The following KCNG2 variants were observed in gnomAD, a reference collection of about 807,000 sequenced individuals.
The protein encoded by KCNG2 is voltage-gated potassium channel regulatory subunit KCNG2.
In KCNG2, 7 loss-of-function variants were observed where a neutral mutation model predicts 12.3. The ratio of observed to expected loss-of-function variants is 0.57; its 90% confidence interval spans 0.32 to 1.07. The LOEUF is 1.07. Among genes scored for constraint, KCNG2 ranks in the 50% least tolerant of loss-of-function variants. KCNG2 has a pLI of 0.04. For synonymous variants in KCNG2, 414 were observed against 351.4 expected (o/e 1.18, Z -1.99); for missense variants, 703 against 726.0 (o/e 0.97, Z 0.36).
At chr18:79,812,403 C>T (rs921946983) in intron 1 of KCNG2, among the ~76,000 whole-genome samples, 2 of 152,084 alleles carry the variant, frequency 1.3e-5, no homozygotes, top group African/African-American at 4.8e-5. Flanking sequence ...AATCTCCAGA[C>T]CTGGTGATTT....
intron 3 of KCNG2, among the ~76,000 whole-genome samples, chr18:79,869,105 A>C (rs1048086101): frequency 6.6e-6 from 1 of 152,020 alleles, no homozygotes; most frequent in African/African-American, 2.4e-5. Flanking sequence ...AGCCCTGCAG[A>C]CACTGGGGAG....
At chr18:79,823,265 G>T (rs2087585735) in intron 1 of KCNG2, among the ~76,000 whole-genome samples, 1 of 152,222 alleles carries the variant, frequency 6.6e-6, no homozygotes, top group African/African-American at 2.4e-5. Flanking sequence ...CTCTGTGCGG[G>T]CACTGGGCTG....
Position 79,863,894 on chromosome 18 carries a change from G to A in KCNG2, c.227G>A (p.Cys76Tyr). 6.9e-7 allele frequency: 1 copy of A among 1,446,690 alleles called. No individual in the cohort carries two copies. Among genetic ancestry groups the A allele is most frequent in the Non-Finnish European group, 9.1e-7 (1 of 1,096,018 alleles). 89.6% of individuals were successfully genotyped at this position (1,446,690 alleles called of 1,614,324 possible). A position where few individuals can be genotyped will look rare whatever the true frequency, so the allele number is the denominator to read the frequency against. Residue 76 changes from cysteine to tyrosine, a missense_variant, in exon 3 of 4, where the codon TGC becomes TAC. Coordinates refer to ENST00000316249, the MANE Select transcript of KCNG2 (RefSeq NM_012283.2). ...RDEFFFDRSP[C>Y]AFRAIVALLR... ...GAGTTCTTCTTCGACCGCAGCCCGT[G>A]CGCCTTCCGCGCCATCGTGGCGCTT...
intron 1 of KCNG2, among the ~76,000 whole-genome samples, chr18:79,804,303 C>T (rs576723937): frequency 2.6e-5 from 4 of 152,344 alleles, no homozygotes; most frequent in South Asian, 2.1e-4. Context: ...GGACTCTGCC[C>T]GTCAGCACCC....
intron 1 of KCNG2, among the ~76,000 whole-genome samples, chr18:79,831,928 TCTC>T (rs1011817922): frequency 6.6e-6 from 1 of 152,260 alleles, no homozygotes; most frequent in East Asian, 1.9e-4. Flanking sequence ...CTTGGGCTCT[TCTC>T]CTTCGCTGTG....
At chr18:79,873,418 G>A (rs1331017225) in intron 3 of KCNG2, among the ~76,000 whole-genome samples, 15 of 82,900 alleles carry the variant, frequency 1.8e-4, no homozygotes, top group Admixed American at 6.2e-4. Flanking sequence ...CGCTCCTGCC[G>A]GCCCCCCTCC....
intron 1 of KCNG2, among the ~76,000 whole-genome samples, chr18:79,823,758 C>T (rs1479513645): frequency 2.0e-5 from 3 of 152,042 alleles, no homozygotes; most frequent in South Asian, 2.1e-4. Flanking sequence ...ACCTTAGTAT[C>T]GACATGTCCA....
chr18:79,891,047 T>G (rs932383240), intron 3 of KCNG2, among the ~76,000 whole-genome samples: 3 of 152,204 alleles, frequency 2.0e-5, no homozygotes, highest in African/African-American at 7.2e-5. Flanking sequence ...TTTTGTCTTC[T>G]GTTTCATTAA....
At chr18:79,874,842 T>A (rs1980004850) in intron 3 of KCNG2, among the ~76,000 whole-genome samples, 2 of 152,204 alleles carry the variant, frequency 1.3e-5, no homozygotes. Context: ...CCTGCCCCGT[T>A]GGCCAGCGCA....
chr18:79,848,881 C>G (rs1978715413), intron 1 of KCNG2, among the ~76,000 whole-genome samples: 1 of 152,216 alleles, frequency 6.6e-6, no homozygotes, highest in African/African-American at 2.4e-5. Flanking sequence ...CCTCAGCCCT[C>G]TGTGCCTCGG....
At chr18:79,824,308 T>C (rs1480917399) in intron 1 of KCNG2, among the ~76,000 whole-genome samples, 1 of 152,246 alleles carries the variant, frequency 6.6e-6, no homozygotes, top group Non-Finnish European at 1.5e-5. Context: ...ATAAATGGAC[T>C]TTTCCAATGA....
intron 1 of KCNG2, chr18:79,816,337 G>A (rs71367545): frequency 0.18 from 27,480 of 152,212 alleles, 2,523 homozygotes; most frequent in Middle Eastern, 0.2. Flanking sequence ...TCCTGACGGC[G>A]GAGGACCCAG....
intron 1 of KCNG2, among the ~76,000 whole-genome samples, chr18:79,842,512 A>G (rs957721333): frequency 6.6e-6 from 1 of 151,438 alleles, no homozygotes; most frequent in Non-Finnish European, 1.5e-5. Context: ...AATGAAACCT[A>G]AAGAAATGGA....
rs747875977 is a variant in KCNG2, at chr18:79,899,364, C to T, written c.949C>T (p.Arg317Cys). The change falls in exon 4 of 4, where the codon CGC (arginine) becomes TGC (cysteine). Residue 317 changes from arginine (R) to cysteine (C), a missense_variant. By Grantham distance (180) the Arg-to-Cys change is radical (BLOSUM62 -3). Transcript: ENST00000316249. ...GCGTTCGCTGGGCCTGACCATGCGC[C>T]GCTGCGCGCGCGAGTTCGGGCTGCT... ...GLRSLGLTMR[R>C]CAREFGLLLL... The T allele has an allele frequency of 9.7e-6, 15 of 1,553,844 alleles. No individual in the cohort carries two copies. The highest frequency in any genetic ancestry group is 5.7e-5 in the Admixed American group (3 of 52,570).
intron 1 of KCNG2, among the ~76,000 whole-genome samples, chr18:79,807,245 G>A (rs181801528): frequency 1.3e-5 from 2 of 152,304 alleles, no homozygotes; most frequent in Admixed American, 6.5e-5. Context: ...GTAGTCTGAT[G>A]TTTTTGCATG....
At chr18:79,829,805 G>T (rs934377314) in intron 1 of KCNG2, among the ~76,000 whole-genome samples, 1 of 152,238 alleles carries the variant, frequency 6.6e-6, no homozygotes, top group Admixed American at 6.5e-5. Context: ...TAAGACAGGG[G>T]CCTTGTGTCT....
intron 3 of KCNG2, among the ~76,000 whole-genome samples, chr18:79,892,457 T>C (rs141879758): frequency 1.3e-5 from 2 of 152,388 alleles, no homozygotes; most frequent in African/African-American, 4.8e-5. Context: ...GTAGACAACA[T>C]ATAGTTCAAC....
Position 79,899,339 on chromosome 18 carries a change from G to A in KCNG2, c.924G>A (p.Leu308=). Residue 308 remains leucine, a synonymous_variant, in exon 4 of 4, where the codon CTG becomes CTA. Coordinates refer to ENST00000316249, the MANE Select transcript of KCNG2 (RefSeq NM_012283.2). ...VMRLARHSLG[L]RSLGLTMRRC... is the part of the protein sequence containing the mutation. ...GCCTGGCGCGCCACTCGCTGGGGCT[G>A]CGTTCGCTGGGCCTGACCATGCGCC... 1 of 1,552,014 alleles carries A rather than the reference G, an allele frequency of 6.4e-7. No individual in the cohort carries two copies. Among genetic ancestry groups the A allele is most frequent in the Admixed American group, 1.9e-5 (1 of 51,476 alleles).
intron 2 of KCNG2, among the ~76,000 whole-genome samples, chr18:79,857,595 T>C (rs564670023): frequency 6.6e-6 from 1 of 151,790 alleles, no homozygotes; most frequent in South Asian, 2.1e-4. Context: ...CTTGCCGTAG[T>C]GGTGGGTTTA....
Sources: gnomAD v4.1 joint callset for allele counts (sites outside exome capture counted in the v4.1 genomes callset) on GRCh38, gnomAD v4.1.1 for gene constraint, MANE v1.5 for transcripts, NCBI Gene and HGNC (gene_info 2026-07-23, HGNC 2026-07-21) for gene names.